DNAH9: variants seen among roughly 807,000 people sequenced by gnomAD.
DNAH9 encodes the protein dynein axonemal heavy chain 9, also known as DNAH9 variant protein.
DNAH9 carries 345 observed loss-of-function variants against 471.6 expected under a neutral mutation model. The observed-to-expected ratio is 0.73, with a 90% CI of 0.67 to 0.80. The LOEUF (loss-of-function observed/expected upper bound fraction) is 0.80. Among genes scored for constraint, DNAH9 ranks in the 30% least tolerant of loss-of-function variants. The pLI is 0.00. For synonymous variants in DNAH9, 2,093 were observed against 2,123.6 expected (o/e 0.99, Z 0.40); for missense variants, 5,407 against 5,609.2 (o/e 0.96, Z 1.15).
intron 67 of DNAH9, among the ~76,000 whole-genome samples, chr17:11,960,045 T>G (rs2151450131): frequency 6.6e-6 from 1 of 152,026 alleles, no homozygotes; most frequent in African/African-American, 2.4e-5. Flanking sequence ...ATAAAGAAGT[T>G]ACCAGTTTAT....
At chr17:11,838,844 G>C (rs538450537) in intron 49 of DNAH9, among the ~76,000 whole-genome samples, 1 of 152,102 alleles carries the variant, frequency 6.6e-6, no homozygotes, top group African/African-American at 2.4e-5. Context: ...AGGACTCCTC[G>C]ACTGTCTTTA....
intron 57 of DNAH9, among the ~76,000 whole-genome samples, chr17:11,888,049 C>T (rs1326561555): frequency 6.6e-6 from 1 of 150,870 alleles, no homozygotes; most frequent in Non-Finnish European, 1.5e-5. Flanking sequence ...GAGGCGCGAT[C>T]TCGGCTTACT....
intron 35 of DNAH9, among the ~76,000 whole-genome samples, chr17:11,763,183 G>T (rs1319887120): frequency 6.6e-6 from 1 of 152,102 alleles, no homozygotes; most frequent in Non-Finnish European, 1.5e-5. Context: ...AGAAGAAGTG[G>T]GAGGGGGAGG....
At position 11,880,085 on chromosome 17, in the gene DNAH9, C is replaced by T; in HGVS notation, c.10486C>T (p.Gln3496Ter). Residue 3496 changes from glutamine to a stop codon, truncating the protein, a stop_gained, in exon 54 of 69, where the codon CAA becomes TAA. Transcript: ENST00000262442. LOFTEE classifies it high-confidence loss of function. The part of the protein sequence containing the change: ...VTQIGQKGYL[Q>*]IIEQALEAGA... ...TCATACTTGTTTCCCTAGCTACCTT[C>T]AAATCATAGAGCAGGCCCTGGAAGC... 6.2e-7 allele frequency: 1 copy of T among 1,613,862 alleles called. No individual in the cohort carries two copies. The highest frequency in any genetic ancestry group is 8.5e-7 in the Non-Finnish European group (1 of 1,179,856).
chr17:11,763,634 TCAA>T lies in DNAH9; in HGVS notation c.7170+25_7170+27del. On this transcript the variant is annotated intron_variant, in intron 36 of 68. Coordinates refer to ENST00000262442, the MANE Select transcript of DNAH9 (RefSeq NM_001372.4). The stretch of plus-strand genomic sequence containing the variant: ...GATCAGGTAAGGAGATATGTTGAGC[TCAA>T]CAACCACACTGAAGTCTGTAGCAGC... 6.2e-7 allele frequency: 1 copy of T among 1,610,828 alleles called. No individual in the cohort carries two copies. Among genetic ancestry groups the T allele is most frequent in the Non-Finnish European group, 8.5e-7 (1 of 1,178,100 alleles).
chr17:11,810,118 C>G, intron 44 of DNAH9, 128 bp from the exon 45 acceptor site: 1 of 1,182,180 alleles, frequency 8.5e-7, no homozygotes, highest in East Asian at 2.5e-5. Flanking sequence ...CCCAGCTTCC[C>G]ATTGTCACCT....
At chr17:11,640,694 T>A (rs1415094587) in intron 10 of DNAH9, among the ~76,000 whole-genome samples, 1 of 152,156 alleles carries the variant, frequency 6.6e-6, no homozygotes, top group Non-Finnish European at 1.5e-5. Flanking sequence ...CGTCTCCCTT[T>A]GACATCATGT....
intron 51 of DNAH9, among the ~76,000 whole-genome samples, chr17:11,870,047 C>T (rs1009548823): frequency 5.9e-5 from 9 of 152,124 alleles, no homozygotes; most frequent in East Asian, 1.9e-4. Flanking sequence ...GGCATTTCCA[C>T]GCATTCCCTC....
intron 38 of DNAH9, among the ~76,000 whole-genome samples, chr17:11,772,588 C>CA (rs1338208755): frequency 6.6e-6 from 1 of 152,130 alleles, no homozygotes; most frequent in African/African-American, 2.4e-5. Context: ...TCAGCCTCCC[C>CA]AGTAGTGACT....
At chr17:11,769,880 C>A (rs183582230) in intron 38 of DNAH9, among the ~76,000 whole-genome samples, 14 of 152,324 alleles carry the variant, frequency 9.2e-5, no homozygotes, top group South Asian at 2.1e-4. Context: ...GATGTTTTAC[C>A]CTTGCCAGAG....
At chr17:11,808,149 C>G (rs550918693) in intron 44 of DNAH9, among the ~76,000 whole-genome samples, 2 of 152,288 alleles carry the variant, frequency 1.3e-5, no homozygotes, top group South Asian at 2.1e-4. Flanking sequence ...TCCACTCTTG[C>G]TCAAATCAGA....
chr17:11,837,081 TG>T (rs538157674), intron 49 of DNAH9, among the ~76,000 whole-genome samples: 98 of 152,218 alleles, frequency 6.4e-4, no homozygotes, highest in Non-Finnish European at 1.2e-3. Context: ...TTGTTGGTAG[TG>T]GTGGTGGTGA....
rs776923206 is a variant in DNAH9 at position 11,704,221 on chromosome 17, C to G, written c.5170C>G (p.Gln1724Glu). The G allele has an allele frequency of 1.2e-6, 2 of 1,613,970 alleles. No homozygotes were observed. The highest frequency in any genetic ancestry group is 4.5e-5 in the East Asian group (2 of 44,890). The change falls in exon 25 of 69, where the codon CAG becomes GAG. Residue 1724 changes from glutamine (Q) to glutamate (E), a missense_variant. Coordinates refer to ENST00000262442, the MANE Select transcript of DNAH9 (RefSeq NM_001372.4). ...GCCACAGGTGGCCCTGACCTGTACTCAGATCTGGTGGACAACAGAAGTGGG... is the reference window on the plus strand; with the variant it reads ...GCCACAGGTGGCCCTGACCTGTACTGAGATCTGGTGGACAACAGAAGTGGG... ...HPAQVALTCTQIWWTTEVGMA... is the reference protein window; with the variant it reads ...HPAQVALTCTEIWWTTEVGMA...
intron 53 of DNAH9, among the ~76,000 whole-genome samples, chr17:11,875,536 T>C (rs1972441508): frequency 6.6e-6 from 1 of 152,188 alleles, no homozygotes; most frequent in South Asian, 2.1e-4. Flanking sequence ...TCCTCACCCT[T>C]AGCTAAAGCT....
intron 62 of DNAH9, among the ~76,000 whole-genome samples, chr17:11,924,516 T>C (rs1184223820): frequency 6.6e-6 from 1 of 152,066 alleles, no homozygotes; most frequent in Non-Finnish European, 1.5e-5. Context: ...TTAAAGAATT[T>C]AGCCCTCTCT....
Position 11,719,392 on chromosome 17 carries a change from C to A in DNAH9, c.5611C>A (p.Pro1871Thr). The A allele has an allele frequency of 6.2e-7, 1 of 1,614,046 alleles. No individual in the cohort carries two copies. Among genetic ancestry groups the A allele is most frequent in the Non-Finnish European group, 8.5e-7 (1 of 1,179,996 alleles). ...HLTMSGAPAG[P>T]AGTGKTETTK... ...GACCATGAGTGGGGCTCCCGCAGGA[C>A]CTGCAGGCACAGGCAAGACCGAGAC... Residue 1871 changes from proline (P) to threonine (T), a missense_variant, in exon 27 of 69, where the codon CCT becomes ACT. Physicochemically the swap from Pro to Thr is conservative, Grantham distance 38. Around this residue, in one of 3 missense-constraint regions of DNAH9, gnomAD observed 4,636 missense variants for 4,900.3 expected, o/e 0.95. Coordinates refer to ENST00000262442, the MANE Select transcript of DNAH9 (RefSeq NM_001372.4).
In DNAH9 at chr17:11,932,670, C is replaced by G. The variant is rs1198318149; in HGVS notation, c.12297+465C>G. ...AGGTGGGATGAGGCAGTGCCAACCC[C>G]AGGACTAACCCAAAGGCTGAGAATA... is the stretch of plus-strand genomic sequence containing the variant. On this transcript the variant is annotated intron_variant, in intron 64 of 68. Transcript: ENST00000262442. The surrounding 1 kb of genome is among the most constrained non-coding windows in gnomAD (Gnocchi z 4.3). 6.6e-6 allele frequency among the ~76,000 whole-genome samples: 1 copy of G among 152,164 alleles called. No individual in the cohort carries two copies. The highest frequency in any genetic ancestry group is 1.5e-5 in the Non-Finnish European group (1 of 68,028).
At position 11,680,786 on chromosome 17, in the gene DNAH9, C is replaced by A; in HGVS notation, c.3640C>A (p.Pro1214Thr). ...VAITVKQQVAPLQANEVTLLR... is the reference protein window; with the variant it reads ...VAITVKQQVATLQANEVTLLR... Reference sequence around the variant, plus strand: ...CATTACTGTGAAGCAGCAGGTGGCCCCACTGCAGGCAAATGAAGTGACACT... The same window carrying A: ...CATTACTGTGAAGCAGCAGGTGGCCACACTGCAGGCAAATGAAGTGACACT... Residue 1214 changes from proline (P) to threonine (T), a missense_variant, in exon 19 of 69, where the codon CCA becomes ACA. Around this residue, in one of 3 missense-constraint regions of DNAH9, gnomAD observed 4,636 missense variants for 4,900.3 expected, o/e 0.95. Transcript: ENST00000262442. The A allele has an allele frequency of 6.2e-7, 1 of 1,613,944 alleles. No homozygotes were observed. Among genetic ancestry groups the A allele is most frequent in the Non-Finnish European group, 8.5e-7 (1 of 1,179,930 alleles).
At chr17:11,818,885 C>CTAT (rs140324358) in intron 45 of DNAH9, among the ~76,000 whole-genome samples, 58,036 of 146,972 alleles carry the variant, frequency 0.39, 12,483 homozygotes, top group Non-Finnish European at 0.48. Flanking sequence ...TCCATTATTA[C>CTAT]TATTATTATT....
Sources: allele counts gnomAD v4.1 joint callset (sites outside exome capture counted in the v4.1 genomes callset), GRCh38; gene constraint gnomAD v4.1.1; regional missense constraint gnomAD v4.1.1; non-coding constraint Gnocchi (gnomAD v3.1); transcripts MANE v1.5; gene names NCBI Gene and HGNC (gene_info 2026-07-23, HGNC 2026-07-21).